The following LAMA5 variants were observed in gnomAD, a reference collection of about 807,000 sequenced individuals.
LAMA5 encodes laminin subunit alpha 5.
LAMA5 carries 260 observed loss-of-function variants against 433.4 expected under a neutral mutation model. The observed-to-expected ratio is 0.60, with a 90% CI of 0.54 to 0.66. The LOEUF (loss-of-function observed/expected upper bound fraction) is 0.66. Ranked by LOEUF, LAMA5 falls within the 30% of genes least tolerant of loss-of-function variation. LAMA5 has a pLI of 0.00. For synonymous variants in LAMA5, 2,620 were observed against 2,226.6 expected (o/e 1.18, Z -4.97); for missense variants, 5,378 against 5,258.5 (o/e 1.02, Z -0.70).
rs1188137100 is a variant in LAMA5 at position 62,316,787 on chromosome 20, G to A, written c.7654-14C>T. On this transcript the variant is annotated splice_polypyrimidine_tract_variant and intron_variant, in intron 56 of 79. Coordinates refer to ENST00000252999, the MANE Select transcript of LAMA5 (RefSeq NM_005560.6). ...CCGCACCACCGTCTGTGGATGCCAG[G>A]GCAGACCGTGGCTCAGACACGCAGG... 3 of 1,590,370 alleles carry A rather than the reference G, an allele frequency of 1.9e-6. No homozygotes were observed. The highest frequency in any genetic ancestry group is 2.6e-6 in the Non-Finnish European group (3 of 1,167,974).
At chr20:62,314,970 C>A in intron 59 of LAMA5, 23 bp from the exon 60 acceptor site, 1 of 1,581,542 alleles carries the variant, frequency 6.3e-7, no homozygotes. Context: ...AGACCTGAGA[C>A]CTTTGCCCCC....
rs1981142645 is a variant in LAMA5 at position 62,334,396 on chromosome 20, C to A, written c.2583-54G>T. ...AGCTTGGCCATCCTACCTAGCCCTG[C>A]ACAGCGGCCCCGGGTCTCCAGGGAG... On this transcript the variant is annotated intron_variant, in intron 21 of 79. Transcript: ENST00000252999. 2.6e-6 allele frequency: 4 copies of A among 1,534,568 alleles called. No individual in the cohort carries two copies. In the South Asian group the frequency reaches 4.8e-5, roughly 18 times the overall value.
At position 62,335,073 on chromosome 20, in the gene LAMA5, G is replaced by A. The variant is rs1344997350; in HGVS notation, c.2430C>T (p.Ser810=). 1 of 1,613,038 alleles carries A rather than the reference G, an allele frequency of 6.2e-7. No homozygotes were observed. The highest frequency in any genetic ancestry group is 8.5e-7 in the Non-Finnish European group (1 of 1,179,712). The change falls in exon 20 of 80, where the codon TCC becomes TCT. Residue 810 remains serine, a synonymous_variant. Coordinates refer to ENST00000252999, the MANE Select transcript of LAMA5 (RefSeq NM_005560.6). Reference sequence around the variant, plus strand: ...CCAGTCCAAAGAAGCCATCCTTGCAGGACGCGCAGGCCTGGCCGCACACGT... The same window carrying A: ...CCAGTCCAAAGAAGCCATCCTTGCAAGACGCGCAGGCCTGGCCGCACACGT... ...KPHVCGQACA[S]CKDGFFGLDQ... is the part of the protein sequence containing the mutation.
At chr20:62,327,770 T>G in intron 36 of LAMA5, 96 bp downstream of exon 36, 1 of 1,576,960 alleles carries the variant, frequency 6.3e-7, no homozygotes. Context: ...CCCAAAAGCT[T>G]CTAGGAAGCC....
Position 62,323,689 on chromosome 20 carries a change from G to C in LAMA5, c.5850-19C>G. ...CGCACACCTGGGAGCAGGGTGGGGA[G>C]GGGCCGTCAGTGGCCCGTGGCGCCC... On this transcript the variant is annotated intron_variant, in intron 44 of 79. Coordinates refer to ENST00000252999, the MANE Select transcript of LAMA5 (RefSeq NM_005560.6). The C allele has an allele frequency of 1.9e-6, 3 of 1,598,078 alleles. No individual in the cohort carries two copies. The African/African-American group carries it at 4.0e-5, about 21-fold the overall frequency.
At chr20:62,363,341 T>C (rs1426477771) in intron 1 of LAMA5, among the ~76,000 whole-genome samples, 2 of 152,082 alleles carry the variant, frequency 1.3e-5, no homozygotes, top group East Asian at 1.9e-4. Context: ...AATGTCCCCA[T>C]CCAAAGAGTG....
Position 62,312,387 on chromosome 20 carries a change from G to T in LAMA5, c.9360+13C>A. On this transcript the variant is annotated intron_variant, in intron 68 of 79. Transcript: ENST00000252999. ...CCACAGATGCCACCCCCAGCCCGGG[G>T]AGGGCTGCTCACCAGCAGGTCGGCG... The T allele has an allele frequency of 1.9e-6, 3 of 1,599,290 alleles. No homozygotes were observed. The highest frequency in any genetic ancestry group is 1.1e-5 in the South Asian group (1 of 90,876).
Position 62,346,813 on chromosome 20 carries a change from G to A in LAMA5, c.1073-13C>T. On this transcript the variant is annotated splice_polypyrimidine_tract_variant and intron_variant, in intron 7 of 79. Transcript: ENST00000252999. ...TAGCAGTTACAGGCTAGAGAGAGGG[G>A]AGCGCAGCTGTTGGCACGCCCTCCA... 1 of 1,610,048 alleles carries A rather than the reference G, an allele frequency of 6.2e-7. No homozygotes were observed. The highest frequency in any genetic ancestry group is 2.2e-5 in the East Asian group (1 of 44,838).
At position 62,332,577 on chromosome 20, in the gene LAMA5, G is replaced by A. The variant is rs1980686312; in HGVS notation, c.3423C>T (p.Ser1141=). The A allele has an allele frequency of 6.3e-7, 1 of 1,594,472 alleles. No individual in the cohort carries two copies. ...CTCACCTGTACAGGCAGGGGTGCAG[G>A]GAGAGCAGCCCCTGCTGGGGGGCCC... ...PQRAPQQGLL[S]LHPCLYSTLC... is the part of the protein sequence containing the mutation. Residue 1141 remains serine, a synonymous_variant, in exon 27 of 80, where the codon TCC becomes TCT. Coordinates refer to ENST00000252999, the MANE Select transcript of LAMA5 (RefSeq NM_005560.6).
At chr20:62,322,818 G>A (rs1978526959) in intron 45 of LAMA5, 60 bp from the exon 46 acceptor site, 1 of 1,146,932 alleles carries the variant, frequency 8.7e-7, no homozygotes, top group Non-Finnish European at 1.2e-6. Context: ...GGAGCCCCTA[G>A]GCACCCTCCT....
chr20:62,323,693 C>T (rs752729617), intron 44 of LAMA5, 23 bp from the exon 45 acceptor site: 81 of 1,595,394 alleles, frequency 5.1e-5, no homozygotes, highest in Non-Finnish European at 6.6e-5. Context: ...TGGGGAGGGG[C>T]CGTCAGTGGC....
chr20:62,333,741 G>GC, intron 23 of LAMA5, 35 bp from the exon 24 acceptor site: 2 of 1,536,398 alleles, frequency 1.3e-6, no homozygotes, highest in Non-Finnish European at 1.8e-6. Context: ...CCTGAGCCCA[G>GC]CCCTTGGGGC....
chr20:62,351,933 C>T lies in LAMA5; in HGVS notation c.834G>A (p.Leu278=). 6.2e-7 allele frequency: 1 copy of T among 1,609,604 alleles called. No homozygotes were observed. Among genetic ancestry groups the T allele is most frequent in the Non-Finnish European group, 8.5e-7 (1 of 1,178,680 alleles). ...TLLGHLMGKA[L]RDPTVTRRYY... is the part of the protein sequence containing the mutation. The stretch of plus-strand genomic sequence containing the variant: ...CCCGGCGGGTGACCGTGGGGTCCCG[C>T]AGCGCCTTCCCCATGAGATGGCCCA... The change falls in exon 5 of 80, where the codon CTG becomes CTA. Residue 278 remains leucine (L), a synonymous_variant. Transcript: ENST00000252999.
chr20:62,323,515 C>A lies in LAMA5; in HGVS notation c.6005G>T (p.Arg2002Leu). 3 of 1,568,906 alleles carry A rather than the reference C, an allele frequency of 1.9e-6. No individual in the cohort carries two copies. The highest frequency in any genetic ancestry group is 2.6e-6 in the Non-Finnish European group (3 of 1,159,770). The change falls in exon 45 of 80, where the codon CGC becomes CTC. Residue 2002 changes from arginine to leucine, a missense_variant. Physicochemically the swap from Arg to Leu is moderately radical, Grantham distance 102. Transcript: ENST00000252999. ...RGCLRHTTGPRCEICAPGFYG... is the reference protein window; with the variant it reads ...RGCLRHTTGPLCEICAPGFYG... ...GAAGCCGGGGGCACAGATCTCGCAG[C>A]GGGGCCCAGTGGTGTGGCGCAGGCA...
chr20:62,324,070 G>T lies in LAMA5; in HGVS notation c.5768+10C>A. The T allele has an allele frequency of 6.7e-7, 1 of 1,502,234 alleles. No individual in the cohort carries two copies. The highest frequency in any genetic ancestry group is 8.9e-7 in the Non-Finnish European group (1 of 1,128,472). 93.1% of individuals were successfully genotyped at this position (1,502,234 alleles called of 1,614,324 possible). A position where few individuals can be genotyped will look rare whatever the true frequency, so the allele number is the denominator to read the frequency against. ...CATCAGGGCCTCGTCCCGGGAGGAG[G>T]CTGGCTTACTTGTTGGAAGGCACTG... On this transcript the variant is annotated intron_variant, in intron 43 of 79. Transcript: ENST00000252999. The surrounding 1 kb of genome is among the most constrained non-coding windows in gnomAD (Gnocchi z 4.4).
At position 62,362,443 on chromosome 20, in the gene LAMA5, C is replaced by A; in HGVS notation, c.407G>T (p.Gly136Val). Reference sequence around the variant, plus strand: ...GACGTTGACCTCGTTGTACTCCAGGCCGCGGGACAGCGGTGGACTCTGCCA... The same window carrying A: ...GACGTTGACCTCGTTGTACTCCAGGACGCGGGACAGCGGTGGACTCTGCCA... ...RWWQSPPLSR[G>V]LEYNEVNVTL... The change falls in exon 2 of 80, where the codon GGC becomes GTC. Residue 136 changes from glycine to valine, a missense_variant. By Grantham distance (109) the Gly-to-Val change is moderately radical. Coordinates refer to ENST00000252999, the MANE Select transcript of LAMA5 (RefSeq NM_005560.6). The A allele has an allele frequency of 1.3e-6, 2 of 1,589,176 alleles. No individual in the cohort carries two copies. The highest frequency in any genetic ancestry group is 2.2e-5 in the South Asian group (2 of 88,970).
chr20:62,310,597 T>TCAGGGCC, intron 75 of LAMA5, 25 bp from the exon 76 acceptor site: 2 of 1,571,866 alleles, frequency 1.3e-6, no homozygotes, highest in South Asian at 2.4e-5. Flanking sequence ...CGGGCAGGGA[T>TCAGGGCC]CAGGGCCCAG....
intron 1 of LAMA5, among the ~76,000 whole-genome samples, chr20:62,366,450 C>T (rs1317941045): frequency 6.6e-6 from 1 of 152,254 alleles, no homozygotes; most frequent in Non-Finnish European, 1.5e-5. Flanking sequence ...GCTGGCCCTC[C>T]CCTACTTTGG....
rs773680663 is a variant in LAMA5 at position 62,337,600 on chromosome 20, G to A, written c.2154C>T (p.Pro718=). The change falls in exon 16 of 80, where the codon CCC becomes CCT. Residue 718 remains proline, a synonymous_variant. Transcript: ENST00000252999. ...DTCVPGAYNF[P]YCEAGSCHPA... ...CACCTGCCTGCTCACCTTCGCAGTA[G>A]GGGAAGTTGTAGGCACCGGGCACAC... 5.6e-6 allele frequency: 9 copies of A among 1,608,162 alleles called. No individual in the cohort carries two copies. In the Admixed American group the frequency reaches 1.0e-4, roughly 18 times the overall value.
Sources: allele counts gnomAD v4.1 joint callset (sites outside exome capture counted in the v4.1 genomes callset), GRCh38; gene constraint gnomAD v4.1.1; non-coding constraint Gnocchi (gnomAD v3.1); transcripts MANE v1.5; gene names NCBI Gene and HGNC (gene_info 2026-07-23, HGNC 2026-07-21).